The following CRACR2A variants were observed in gnomAD, a reference collection of about 807,000 sequenced individuals.
CRACR2A encodes the protein calcium release activated channel regulator 2A.
In CRACR2A, 79 loss-of-function variants were observed where a neutral mutation model predicts 90.5. That is an observed-to-expected ratio of 0.87 (90% CI 0.73 to 1.05). The LOEUF is 1.05. Ranked by LOEUF, CRACR2A falls within the 50% of genes least tolerant of loss-of-function variation. CRACR2A has a pLI of 0.00. For missense variants in CRACR2A, 823 were observed against 897.2 expected, an observed-to-expected ratio of 0.92 and a Z score of 1.06; for synonymous variants, 338 against 356.7, an observed-to-expected ratio of 0.95 and a Z score of 0.59.
intron 6 of CRACR2A, among the ~76,000 whole-genome samples, chr12:3,675,144 T>C (rs1466306521): frequency 2.0e-5 from 3 of 152,236 alleles, no homozygotes; most frequent in Admixed American, 2.0e-4. Flanking sequence ...AGATTCCTGT[T>C]GGCTCCCCAG....
At position 3,696,112 on chromosome 12, in the gene CRACR2A, C is replaced by T. The variant is rs180830187; in HGVS notation, c.228+660G>A. Among the ~76,000 whole-genome samples, 3 of 152,172 alleles carry T rather than the reference C, an allele frequency of 2.0e-5. 1 individual carries two copies. Among genetic ancestry groups the T allele is most frequent in the East Asian group, 3.8e-4 (2 of 5,200 alleles). The stretch of plus-strand genomic sequence containing the variant: ...ATAAAGTTTTATTGGAACACGGCAC[C>T]CTCATTTGTTCACATATTGCCTATG... On this transcript the variant is annotated intron_variant, in intron 4 of 19. Coordinates refer to ENST00000440314, the MANE Select transcript of CRACR2A (RefSeq NM_001144958.2).
At chr12:3,737,421 G>A (rs984227431) in intron 1 of CRACR2A, among the ~76,000 whole-genome samples, 2 of 152,164 alleles carry the variant, frequency 1.3e-5, no homozygotes, top group African/African-American at 2.4e-5. Flanking sequence ...CAAGCCAGAG[G>A]AAATCACTAA....
At chr12:3,710,145 C>G (rs890246969) in intron 3 of CRACR2A, among the ~76,000 whole-genome samples, 1 of 152,212 alleles carries the variant, frequency 6.6e-6, no homozygotes, top group Non-Finnish European at 1.5e-5. Flanking sequence ...CACAGGACCA[C>G]TACTACTTCT....
At chr12:3,729,274 C>T (rs899698773) in intron 2 of CRACR2A, 7 of 152,182 alleles carry the variant, frequency 4.6e-5, no homozygotes, top group African/African-American at 1.4e-4. Context: ...GCATTGTCAC[C>T]CACCTTTTTT....
chr12:3,641,049 A>G (rs753021911), intron 13 of CRACR2A, among the ~76,000 whole-genome samples: 7 of 152,206 alleles, frequency 4.6e-5, no homozygotes, highest in Non-Finnish European at 7.3e-5. Flanking sequence ...ATGTTCCTAA[A>G]AAACCAAGTG....
chr12:3,713,204 C>G (rs1046611014), intron 3 of CRACR2A, 33 bp downstream of exon 3: 82 of 979,820 alleles, frequency 8.4e-5, no homozygotes, highest in Non-Finnish European at 9.6e-5. Flanking sequence ...ATCTAGTACT[C>G]TGCAACCTGT....
At chr12:3,736,810 T>C (rs1946457015) in intron 1 of CRACR2A, among the ~76,000 whole-genome samples, 1 of 152,220 alleles carries the variant, frequency 6.6e-6, no homozygotes. Context: ...GTTCAAATGT[T>C]GTAGACACGT....
chr12:3,640,240 A>G (rs1449818926), intron 13 of CRACR2A: 2 of 163,338 alleles, frequency 1.2e-5, no homozygotes, highest in African/African-American at 4.8e-5. Flanking sequence ...ATTAGAATTC[A>G]GGGCTCACAA....
At chr12:3,654,702 T>A (rs1393598379) in intron 9 of CRACR2A, among the ~76,000 whole-genome samples, 2 of 152,240 alleles carry the variant, frequency 1.3e-5, no homozygotes, top group African/African-American at 2.4e-5. Flanking sequence ...ACAATCCGTC[T>A]GTGTGAATGG....
intron 7 of CRACR2A, among the ~76,000 whole-genome samples, chr12:3,671,929 G>A (rs546719021): frequency 6.6e-6 from 1 of 152,316 alleles, no homozygotes; most frequent in South Asian, 2.1e-4. Context: ...CTTGTCCTAA[G>A]TTGCACAGCT....
At chr12:3,729,688 G>A (rs1946329560) in intron 2 of CRACR2A, 1 of 152,222 alleles carries the variant, frequency 6.6e-6, no homozygotes, top group Non-Finnish European at 1.5e-5. Context: ...GGGTGACAGA[G>A]CGAGACTCTG....
chr12:3,649,881 G>A (rs1463544773), intron 10 of CRACR2A, among the ~76,000 whole-genome samples: 2 of 151,892 alleles, frequency 1.3e-5, no homozygotes, highest in African/African-American at 4.8e-5. Context: ...AAAAGAGGAA[G>A]GAAAGATGGG....
At chr12:3,618,875 A>G (rs1867751031) in intron 18 of CRACR2A, among the ~76,000 whole-genome samples, 1 of 152,178 alleles carries the variant, frequency 6.6e-6, no homozygotes, top group South Asian at 2.1e-4. Flanking sequence ...ACTCTCTAAC[A>G]CAGTGGTCTG....
chr12:3,740,997 C>T (rs1175474324), intron 1 of CRACR2A, among the ~76,000 whole-genome samples: 1 of 152,226 alleles, frequency 6.6e-6, no homozygotes, highest in Non-Finnish European at 1.5e-5. Flanking sequence ...CACCCACCCT[C>T]CTTCTTCCTT....
chr12:3,672,496 T>TC (rs2137572692), intron 7 of CRACR2A, among the ~76,000 whole-genome samples: 1 of 152,376 alleles, frequency 6.6e-6, no homozygotes, highest in South Asian at 2.1e-4. Context: ...GGGCAGGGCC[T>TC]CCTCTGTATA....
intron 1 of CRACR2A, among the ~76,000 whole-genome samples, chr12:3,741,770 C>T (rs750236575): frequency 2.6e-5 from 4 of 152,228 alleles, no homozygotes; most frequent in East Asian, 1.9e-4. Context: ...CACATCACAT[C>T]GGCATTTGCA....
chr12:3,686,572 C>T (rs1945557691), intron 4 of CRACR2A, among the ~76,000 whole-genome samples: 1 of 152,094 alleles, frequency 6.6e-6, no homozygotes, highest in African/African-American at 2.4e-5. Flanking sequence ...TCCTGCCCAT[C>T]CTCTCTCCCT....
chr12:3,721,465 A>C (rs564489555), intron 2 of CRACR2A, among the ~76,000 whole-genome samples: 2 of 151,902 alleles, frequency 1.3e-5, no homozygotes, highest in Non-Finnish European at 2.9e-5. Context: ...GCAGTGGTAC[A>C]TGCCTGTAGT....
Position 3,633,548 on chromosome 12 carries a change from C to T in CRACR2A, c.1735+56G>A. The T allele has an allele frequency of 1.9e-6, 3 of 1,548,798 alleles. No homozygotes were observed. Among genetic ancestry groups the T allele is most frequent in the Non-Finnish European group, 2.6e-6 (3 of 1,145,078 alleles). On this transcript the variant is annotated intron_variant, in intron 15 of 19. Coordinates refer to ENST00000440314, the MANE Select transcript of CRACR2A (RefSeq NM_001144958.2). The surrounding 1 kb of genome is among the most constrained non-coding windows in gnomAD (Gnocchi z 4.5). ...CGCTCCCTGCCCCGGGCCCCCTTCTCACAAACTCCCTTCCCAAAGATGGGC... is the reference window on the plus strand; with the variant it reads ...CGCTCCCTGCCCCGGGCCCCCTTCTTACAAACTCCCTTCCCAAAGATGGGC...
Sources: gnomAD v4.1 joint callset for allele counts (sites outside exome capture counted in the v4.1 genomes callset) on GRCh38, gnomAD v4.1.1 for gene constraint, Gnocchi (gnomAD v3.1) non-coding constraint, MANE v1.5 for transcripts, NCBI Gene and HGNC (gene_info 2026-07-23, HGNC 2026-07-21) for gene names.